Variants in LIN7C observed in about 807,000 individuals in gnomAD.
The protein encoded by LIN7C is protein lin-7 homolog C.
Under a neutral mutation model 24.7 loss-of-function variants are expected in LIN7C, and 17 were observed. The ratio of observed to expected loss-of-function variants is 0.69; its 90% CI spans 0.47 to 1.03. LIN7C has a LOEUF of 1.03. LIN7C is among the 50% of genes least tolerant of loss of function. The pLI is 0.00. For missense variants in LIN7C, 204 were observed against 239.0 expected, an observed-to-expected ratio of 0.85 and a Z score of 0.97; for synonymous variants, 90 against 83.4, an observed-to-expected ratio of 1.08 and a Z score of -0.43.
chr11:27,506,299 G>C (rs1056570919), intron 1 of LIN7C, among the ~76,000 whole-genome samples: 1 of 152,252 alleles, frequency 6.6e-6, no homozygotes, highest in East Asian at 1.9e-4. Context: ...GGGGAAAGGA[G>C]GTTCTGTTGA....
chr11:27,494,498 T>C lies in LIN7C; in HGVS notation c.*4151A>G, dbSNP rs899440360. On this transcript the variant is annotated 3_prime_UTR_variant, in exon 5 of 5. Transcript: ENST00000278193. The stretch of plus-strand genomic sequence containing the variant: ...TTTCAGCAGCCACCAGGAATTATGT[T>C]TTTTTATACATACCTTTCATAAACG... The C allele has an allele frequency of 3.9e-5, 6 of 152,350 alleles. No homozygotes were observed. Among genetic ancestry groups the C allele is most frequent in the African/African-American group, 1.4e-4 (6 of 41,584 alleles). 9.4% of individuals were successfully genotyped at this position (152,350 alleles called of 1,614,324 possible).
intron 1 of LIN7C, among the ~76,000 whole-genome samples, chr11:27,506,350 G>A (rs1459834231): frequency 6.6e-6 from 1 of 152,238 alleles, no homozygotes; most frequent in Non-Finnish European, 1.5e-5. Context: ...CAGGCAATGA[G>A]TGTAGTCTGT....
intron 1 of LIN7C, 53 bp downstream of exon 1, chr11:27,506,663 C>T (rs1865306416): frequency 3.1e-6 from 5 of 1,601,904 alleles, no homozygotes; most frequent in South Asian, 1.1e-5. Context: ...TCCAGCGACA[C>T]AGCACTCCCC....
At chr11:27,506,647 C>T (rs1435906702) in intron 1 of LIN7C, 69 bp downstream of exon 1, 14 of 1,557,826 alleles carry the variant, frequency 9.0e-6, no homozygotes, top group African/African-American at 1.4e-5. Flanking sequence ...GTCACTCCTC[C>T]TCCCCTCCAG....
At position 27,495,078 on chromosome 11, in the gene LIN7C, T is replaced by C. The variant is rs1384940440; in HGVS notation, c.*3571A>G. Reference sequence around the variant, plus strand: ...CTATTAAATGCTATAATATCCATTTTAATTGTAAACAAAGTACTTGAGCCA... The same window carrying C: ...CTATTAAATGCTATAATATCCATTTCAATTGTAAACAAAGTACTTGAGCCA... On this transcript the variant is annotated 3_prime_UTR_variant, in exon 5 of 5. Transcript: ENST00000278193. The C allele has an allele frequency of 1.3e-5, 2 of 152,682 alleles. No individual in the cohort carries two copies. Among genetic ancestry groups the C allele is most frequent in the African/African-American group, 2.4e-5 (1 of 41,468 alleles). 9.5% of individuals were successfully genotyped at this position (152,682 alleles called of 1,614,324 possible). A position where few individuals can be genotyped will look rare whatever the true frequency, so the allele number is the denominator to read the frequency against.
chr11:27,505,857 T>C (rs748971626), intron 1 of LIN7C, among the ~76,000 whole-genome samples: 1 of 152,224 alleles, frequency 6.6e-6, no homozygotes, highest in Non-Finnish European at 1.5e-5. Flanking sequence ...ATGAAAAGCA[T>C]GCTTGAAATT....
At chr11:27,501,631 C>CAGGCGAAGTTAAAATTT in intron 2 of LIN7C, 65 bp from the exon 3 acceptor site, 1 of 1,198,402 alleles carries the variant, frequency 8.3e-7, no homozygotes, top group Non-Finnish European at 1.2e-6. Context: ...GTTAAAATTT[C>CAGGCGAAGTTAAAATTT]AGGCAAAGTT....
At chr11:27,506,003 C>T (rs1865284881) in intron 1 of LIN7C, among the ~76,000 whole-genome samples, 1 of 152,182 alleles carries the variant, frequency 6.6e-6, no homozygotes, top group Non-Finnish European at 1.5e-5. Flanking sequence ...AATTACTCAG[C>T]AGAGGTGGTT....
chr11:27,501,548 C>T lies in LIN7C; in HGVS notation c.175G>A (p.Glu59Lys). 1 of 1,602,944 alleles carries T rather than the reference C, an allele frequency of 6.2e-7. No homozygotes were observed. The highest frequency in any genetic ancestry group is 8.5e-7 in the Non-Finnish European group (1 of 1,175,966). Residue 59 changes from glutamate to lysine, a missense_variant, in exon 3 of 5, where the codon GAG (glutamate) becomes AAG (lysine). By Grantham distance (56) the Glu-to-Lys change is moderately conservative. Coordinates refer to ENST00000278193, the MANE Select transcript of LIN7C (RefSeq NM_018362.4). ...AVREVYEHVY[E>K]TVDISSSPEV... ...GGACTGCTACTGATGTCCACAGTCT[C>T]ATAGACATGTTCATATACCTGTAAA...
chr11:27,503,002 C>T (rs548945302), intron 1 of LIN7C, among the ~76,000 whole-genome samples: 16 of 152,164 alleles, frequency 1.1e-4, no homozygotes, highest in Non-Finnish European at 1.9e-4. Context: ...GTAATCCCAG[C>T]TACTTGGGAG....
rs1322931398 is a variant in LIN7C at position 27,499,513 on chromosome 11, TCAA to T, written c.281_283del (p.Val94del). 1 of 1,614,204 alleles carries T rather than the reference TCAA, an allele frequency of 6.2e-7. No homozygotes were observed. The highest frequency in any genetic ancestry group is 8.5e-7 in the Non-Finnish European group (1 of 1,180,030). On this transcript the variant is annotated inframe_deletion, in exon 4 of 5. Coordinates refer to ENST00000278193, the MANE Select transcript of LIN7C (RefSeq NM_018362.4). ...AAGGCCCTCTTCTGTTTTTGGTAGC[TCAA>T]CAACTCGAGGATGAGAATGTCCTTC...
At chr11:27,504,577 C>G (rs16917069) in intron 1 of LIN7C, among the ~76,000 whole-genome samples, 9,365 of 152,152 alleles carry the variant, frequency 0.062, 640 homozygotes, top group East Asian at 0.23. Context: ...AAATGGCAAC[C>G]ACTAGTACAG....
rs768681983 is a variant in LIN7C at position 27,498,824 on chromosome 11, C to T, written c.439-20G>A. 4.4e-6 allele frequency: 7 copies of T among 1,604,542 alleles called. No individual in the cohort carries two copies. The South Asian group carries it at 6.8e-5, about 16-fold the overall frequency. On this transcript the variant is annotated intron_variant, in intron 4 of 4. Transcript: ENST00000278193. ...AACACTCTAGGGGAAAAAAAAACAA[C>T]CAACCATACACTAATATCTAAGTTT...
intron 3 of LIN7C, 94 bp from the exon 4 acceptor site, chr11:27,499,662 G>C: frequency 8.9e-7 from 1 of 1,128,356 alleles, no homozygotes; most frequent in East Asian, 2.5e-5. Flanking sequence ...TCGCTCTGTC[G>C]CACAGGCTGG....
In LIN7C at chr11:27,495,408, G is replaced by A. The variant is rs1270737898; in HGVS notation, c.*3241C>T. ...GCTTGAACTGCCTTGAGGTGGCGGAGGCTGAAGTGAGCCGAGATCACACCA... is the reference window on the plus strand; with the variant it reads ...GCTTGAACTGCCTTGAGGTGGCGGAAGCTGAAGTGAGCCGAGATCACACCA... On this transcript the variant is annotated 3_prime_UTR_variant, in exon 5 of 5. Coordinates refer to ENST00000278193, the MANE Select transcript of LIN7C (RefSeq NM_018362.4). 6.6e-6 allele frequency: 1 copy of A among 151,462 alleles called. No homozygotes were observed. Among genetic ancestry groups the A allele is most frequent in the Non-Finnish European group, 1.5e-5 (1 of 67,950 alleles). The allele number at this position is 151,462 out of a possible 1,614,324, so 9.4% of individuals were successfully genotyped here.
intron 3 of LIN7C, 86 bp downstream of exon 3, chr11:27,501,409 G>T (rs1460931380): frequency 2.4e-6 from 2 of 842,134 alleles, no homozygotes; most frequent in South Asian, 3.1e-5. Context: ...AGTCTTCAAA[G>T]TAAGTTTATT....
intron 3 of LIN7C, among the ~76,000 whole-genome samples, chr11:27,500,835 G>GT (rs1235215768): frequency 2.0e-5 from 3 of 152,054 alleles, no homozygotes; most frequent in African/African-American, 7.2e-5. Context: ...ATATCCACAT[G>GT]TTTAAGTATT....
In LIN7C at chr11:27,496,737, C is replaced by G. The variant is rs577095516; in HGVS notation, c.*1912G>C. On this transcript the variant is annotated 3_prime_UTR_variant, in exon 5 of 5. Transcript: ENST00000278193. ...AACTTGGCTGAAAGTTCTGAAACAG[C>G]TGAGACACAGAACCAGGAAGCTATA... The G allele has an allele frequency of 6.6e-6, 1 of 152,254 alleles. No homozygotes were observed. Among genetic ancestry groups the G allele is most frequent in the East Asian group, 1.9e-4 (1 of 5,182 alleles). The allele number at this position is 152,254 out of a possible 1,614,324, so 9.4% of individuals were successfully genotyped here.
intron 1 of LIN7C, among the ~76,000 whole-genome samples, chr11:27,503,622 T>G (rs1211330600): frequency 6.6e-6 from 1 of 152,032 alleles, no homozygotes; most frequent in Non-Finnish European, 1.5e-5. Flanking sequence ...CAAGCAAGTC[T>G]CCTGCCTCAG....
Sources: gnomAD v4.1 joint callset for allele counts (sites outside exome capture counted in the v4.1 genomes callset) on GRCh38, gnomAD v4.1.1 for gene constraint, MANE v1.5 for transcripts, NCBI Gene and HGNC (gene_info 2026-07-23, HGNC 2026-07-21) for gene names.